HLCS: variants seen among roughly 807,000 people sequenced by gnomAD.
The protein encoded by HLCS is holocarboxylase synthetase.
Under a neutral mutation model 75.0 loss-of-function variants are expected in HLCS, and 53 were observed. The observed-to-expected ratio is 0.71, with a 90% CI of 0.57 to 0.89. The LOEUF is 0.89. Among genes scored for constraint, HLCS ranks in the 40% least tolerant of loss-of-function variants. The probability of loss-of-function intolerance (pLI) is 0.00; values close to 1 mark genes in which losing one functional copy is unlikely to be tolerated. For missense variants in HLCS, 966 were observed against 1,074.0 expected (o/e 0.90, Z 1.41); for synonymous variants, 431 against 428.6 (o/e 1.01, Z -0.07).
In HLCS at chr21:36,938,045, T is replaced by C. The variant is rs116148792; in HGVS notation, c.494-653A>G. Among the ~76,000 whole-genome samples the C allele has an allele frequency of 4.4e-3, 667 of 152,306 alleles. 8 individuals carry two copies. Among genetic ancestry groups the C allele is most frequent in the African/African-American group, 0.015 (642 of 41,572 alleles). ...CCCATCAGATGAAAGAAGACATTCA[T>C]AGACATAAAAAGCCTGCTTTTAAGT... is the stretch of plus-strand genomic sequence containing the variant. On this transcript the variant is annotated intron_variant, in intron 3 of 10. Transcript: ENST00000674895.
intron 2 of HLCS, among the ~76,000 whole-genome samples, chr21:36,949,413 C>T (rs1027561678): frequency 2.6e-5 from 4 of 152,324 alleles, no homozygotes; most frequent in Middle Eastern, 3.4e-3. Flanking sequence ...ATGTGGATCT[C>T]GCCACAGGGC....
chr21:36,767,228 G>A lies in HLCS; in HGVS notation c.1950C>T (p.Thr650=), dbSNP rs201813658. 1.6e-5 allele frequency: 26 copies of A among 1,613,956 alleles called. No homozygotes were observed. The East Asian group carries it at 2.2e-4, about 14-fold the overall frequency. Residue 650 remains threonine, a synonymous_variant, in exon 7 of 11, where the codon ACC becomes ACT. Transcript: ENST00000674895. ...MGLIVIAARQ[T]EGKGRGGNVW... ...CAAAAGATGACTGACCTTTGCCCTC[G>A]GTCTGCCGGGCCGCGATCACTATTA...
At chr21:36,813,695 G>A (rs764437430) in intron 6 of HLCS, among the ~76,000 whole-genome samples, 3 of 152,090 alleles carry the variant, frequency 2.0e-5, no homozygotes, top group South Asian at 2.1e-4. Flanking sequence ...AAAGAGTCAC[G>A]GCAAATGTTG....
intron 6 of HLCS, among the ~76,000 whole-genome samples, chr21:36,871,765 A>G (rs1285762570): frequency 1.3e-5 from 2 of 152,254 alleles, no homozygotes; most frequent in Non-Finnish European, 2.9e-5. Context: ...AGATATACAA[A>G]GAACTTCTAC....
At chr21:36,877,809 T>C (rs1345804873) in intron 6 of HLCS, among the ~76,000 whole-genome samples, 1 of 152,186 alleles carries the variant, frequency 6.6e-6, no homozygotes, top group Non-Finnish European at 1.5e-5. Context: ...TACCTGGACA[T>C]GTATTTTGCC....
chr21:36,902,999 G>C (rs1395647479), intron 5 of HLCS, among the ~76,000 whole-genome samples: 1 of 152,072 alleles, frequency 6.6e-6, no homozygotes, highest in Non-Finnish European at 1.5e-5. Context: ...TGTTGGGGAG[G>C]AGAGTGAGAG....
Position 36,966,438 on chromosome 21 carries a change from G to T in HLCS, c.195+6C>A. The T allele has an allele frequency of 3.4e-5, 4 of 116,518 alleles. No homozygotes were observed. The highest frequency in any genetic ancestry group is 4.3e-5 in the Non-Finnish European group (4 of 93,296). The allele number at this position is 116,518 out of a possible 1,614,324, so 7.2% of individuals were successfully genotyped here. On this transcript the variant is annotated splice_donor_region_variant and intron_variant, in intron 1 of 10. Transcript: ENST00000674895. ...CCCGGGTCGCCCGCCCGCCCGACCC[G>T]CCCACCTGGCTGTCGCTGACGCAGA...
At chr21:36,810,554 C>A (rs1412641579) in intron 6 of HLCS, among the ~76,000 whole-genome samples, 1 of 152,164 alleles carries the variant, frequency 6.6e-6, no homozygotes, top group Non-Finnish European at 1.5e-5. Context: ...ATAAACTTGC[C>A]TGCTTCTGCT....
At chr21:36,787,603 A>G (rs2060728460) in intron 6 of HLCS, among the ~76,000 whole-genome samples, 3 of 152,130 alleles carry the variant, frequency 2.0e-5, no homozygotes, top group Admixed American at 2.0e-4. Context: ...TCAAATGGAC[A>G]TGATGGAAAG....
chr21:36,866,857 T>TA (rs34364909), intron 6 of HLCS, among the ~76,000 whole-genome samples: 31,022 of 149,514 alleles, frequency 0.21, 3,410 homozygotes, highest in Middle Eastern at 0.28. Context: ...TTTTTTTTTT[T>TA]AAAGGTTCTG....
intron 6 of HLCS, among the ~76,000 whole-genome samples, chr21:36,890,241 G>A (rs541707115): frequency 6.6e-6 from 1 of 152,266 alleles, no homozygotes; most frequent in East Asian, 1.9e-4. Flanking sequence ...TTATAGCAAT[G>A]TGGAAACAGA....
intron 6 of HLCS, among the ~76,000 whole-genome samples, chr21:36,824,819 G>A (rs190666882): frequency 6.6e-6 from 1 of 152,242 alleles, no homozygotes; most frequent in East Asian, 1.9e-4. Context: ...AAACAATAAA[G>A]GAAGTCACAT....
At chr21:36,886,901 A>G (rs1000087647) in intron 6 of HLCS, among the ~76,000 whole-genome samples, 1 of 152,086 alleles carries the variant, frequency 6.6e-6, no homozygotes, top group Admixed American at 6.5e-5. Context: ...CCGAGGCAGG[A>G]GGATCATTTG....
chr21:36,797,683 C>G lies in HLCS; in HGVS notation c.1893-30398G>C, dbSNP rs550581030. Among the ~76,000 whole-genome samples, 9 of 152,258 alleles carry G rather than the reference C, an allele frequency of 5.9e-5. No homozygotes were observed. In the South Asian group the frequency reaches 1.9e-3, roughly 32 times the overall value. On this transcript the variant is annotated intron_variant, in intron 6 of 10. Coordinates refer to ENST00000674895, the MANE Select transcript of HLCS (RefSeq NM_001352514.2). ...TTCTCAAAGCTGAACTGAGCCAGAG[C>G]CTGCTCAGCAGAAGAAAAATTGAGA...
chr21:36,809,402 G>A (rs1432267649), intron 6 of HLCS, among the ~76,000 whole-genome samples: 1 of 152,186 alleles, frequency 6.6e-6, no homozygotes, highest in Non-Finnish European at 1.5e-5. Context: ...AAGTTTGCAA[G>A]AACCAGCGTG....
At position 36,759,731 on chromosome 21, in the gene HLCS, A is replaced by C; in HGVS notation, c.2232T>G (p.Leu744=). The part of the protein sequence containing the change: ...STLMGETFYI[L]IGCGFNVTNS... ...GGAAAGGTTTTTGAAACTTACCAAT[A>C]AGTATATAAAATGTTTCTCCCATGA... is the stretch of plus-strand genomic sequence containing the variant. The change falls in exon 9 of 11, where the codon CTT becomes CTG. Residue 744 remains leucine, a synonymous_variant. Coordinates refer to ENST00000674895, the MANE Select transcript of HLCS (RefSeq NM_001352514.2). 1 of 1,560,758 alleles carries C rather than the reference A, an allele frequency of 6.4e-7. No homozygotes were observed. Among genetic ancestry groups the C allele is most frequent in the African/African-American group, 1.4e-5 (1 of 73,972 alleles).
intron 6 of HLCS, among the ~76,000 whole-genome samples, chr21:36,858,986 G>A (rs559920533): frequency 5.3e-5 from 8 of 152,244 alleles, no homozygotes; most frequent in African/African-American, 1.9e-4. Flanking sequence ...CCTCTTCTGA[G>A]GCCCCTAAGT....
At chr21:36,854,689 G>C (rs2063126150) in intron 6 of HLCS, among the ~76,000 whole-genome samples, 1 of 152,104 alleles carries the variant, frequency 6.6e-6, no homozygotes, top group Non-Finnish European at 1.5e-5. Flanking sequence ...TATTTTTCTG[G>C]TTGTCATAAT....
chr21:36,848,814 C>T (rs1272475552), intron 6 of HLCS, among the ~76,000 whole-genome samples: 13 of 151,944 alleles, frequency 8.6e-5, no homozygotes, highest in African/African-American at 3.1e-4. Flanking sequence ...TGGGATGGTA[C>T]TGATTTTTAT....
Sources: gnomAD v4.1 joint callset for allele counts (sites outside exome capture counted in the v4.1 genomes callset) on GRCh38, gnomAD v4.1.1 for gene constraint, MANE v1.5 for transcripts, NCBI Gene and HGNC (gene_info 2026-07-23, HGNC 2026-07-21) for gene names.